The following ITIH5 variants were observed in gnomAD, a reference collection of about 807,000 sequenced individuals.
ITIH5 encodes inter-alpha-trypsin inhibitor heavy chain H5.
A neutral mutation model predicts 77.5 loss-of-function variants in ITIH5; 65 were observed. The ratio of observed to expected loss-of-function variants is 0.84; its 90% CI spans 0.69 to 1.03. The LOEUF (loss-of-function observed/expected upper bound fraction) is 1.03. ITIH5 is among the 50% of genes least tolerant of loss of function. The pLI is 0.00. For missense variants in ITIH5, 1,208 were observed against 1,213.1 expected (o/e 1.00, Z 0.06); for synonymous variants, 525 against 494.3 (o/e 1.06, Z -0.82).
At chr10:7,666,019 A>G (rs896739781) in intron 1 of ITIH5, among the ~76,000 whole-genome samples, 2 of 152,224 alleles carry the variant, frequency 1.3e-5, no homozygotes, top group African/African-American at 4.8e-5. Context: ...ACCGTGCACA[A>G]ACACGCTGGA....
intron 13 of ITIH5, among the ~76,000 whole-genome samples, chr10:7,563,762 G>A (rs148674275): frequency 3.3e-5 from 5 of 152,300 alleles, no homozygotes; most frequent in African/African-American, 7.2e-5. Flanking sequence ...CTTTCTATCC[G>A]TCTCAGGTCT....
In ITIH5 at chr10:7,637,354, C is replaced by T. The variant is rs200420644; in HGVS notation, c.526G>A (p.Val176Met). ...RLGKYEHSIS[V>M]RPQQLSGRLS... ...CTCCCGGACAGCTGCTGGGGCCGCA[C>T]GCTGATGCTGTGCTCGTACTTGCCC... The change falls in exon 5 of 14, where the codon GTG (valine) becomes ATG (methionine). Residue 176 changes from valine to methionine, a missense_variant. Physicochemically the swap from Val to Met is conservative, Grantham distance 21. Coordinates refer to ENST00000397146, the MANE Select transcript of ITIH5 (RefSeq NM_030569.7). 3.5e-5 allele frequency: 56 copies of T among 1,614,070 alleles called. No homozygotes were observed. The highest frequency in any genetic ancestry group is 4.6e-5 in the Non-Finnish European group (54 of 1,180,048).
chr10:7,631,295 G>A (rs1238280335), intron 5 of ITIH5, among the ~76,000 whole-genome samples: 1 of 152,178 alleles, frequency 6.6e-6, no homozygotes. Flanking sequence ...GAACCACTGA[G>A]GTTGGCAATG....
rs556885734 is a variant in ITIH5 at position 7,572,748 on chromosome 10, T to C, written c.2032+394A>G. On this transcript the variant is annotated intron_variant, in intron 11 of 13. Coordinates refer to ENST00000397146, the MANE Select transcript of ITIH5 (RefSeq NM_030569.7). ...GAATGAGCTGGTATTTTTAACTGGC[T>C]TCAAGGAATTCTTGGTTTTACACTT... The C allele has an allele frequency of 5.3e-4, 98 of 186,016 alleles. 3 individuals are homozygous for C. The South Asian group carries it at 5.6e-3, about 11-fold the overall frequency. The allele number at this position is 186,016 out of a possible 1,614,324, so 11.5% of individuals were successfully genotyped here.
At chr10:7,623,447 G>T (rs1026713244) in intron 5 of ITIH5, among the ~76,000 whole-genome samples, 1 of 152,162 alleles carries the variant, frequency 6.6e-6, no homozygotes, top group African/African-American at 2.4e-5. Context: ...AAGCAAATCA[G>T]CAGAGGATTG....
chr10:7,603,060 ACACCTGAG>A (rs1833047496), intron 7 of ITIH5, among the ~76,000 whole-genome samples: 1 of 152,142 alleles, frequency 6.6e-6, no homozygotes, highest in African/African-American at 2.4e-5. Flanking sequence ...AAGAAATCCT[ACACCTGAG>A]CATCACGTAA....
chr10:7,662,412 A>C (rs566843197), intron 1 of ITIH5, among the ~76,000 whole-genome samples: 2 of 152,164 alleles, frequency 1.3e-5, no homozygotes, highest in African/African-American at 4.8e-5. Context: ...AGGGAACTGG[A>C]TGTTTCTTGT....
chr10:7,657,322 C>T (rs1203229151), intron 1 of ITIH5, among the ~76,000 whole-genome samples: 2 of 152,126 alleles, frequency 1.3e-5, no homozygotes, highest in African/African-American at 4.8e-5. Flanking sequence ...TCTGGAATTA[C>T]AGGCATGAGC....
At chr10:7,571,414 T>G (rs904564197) in intron 11 of ITIH5, 2 of 152,144 alleles carry the variant, frequency 1.3e-5, no homozygotes, top group African/African-American at 4.8e-5. Flanking sequence ...TAATTTATTC[T>G]TATTTATTTA....
chr10:7,666,762 G>A (rs764717218), intron 1 of ITIH5, 41 bp downstream of exon 1: 7 of 1,546,410 alleles, frequency 4.5e-6, no homozygotes, highest in Non-Finnish European at 6.2e-6. Flanking sequence ...AGGGAAGGGG[G>A]CGGCCGCGCC....
intron 7 of ITIH5, among the ~76,000 whole-genome samples, chr10:7,602,478 T>C (rs1444523151): frequency 4.6e-5 from 7 of 152,202 alleles, no homozygotes; most frequent in African/African-American, 1.7e-4. Flanking sequence ...GTTCTCATGA[T>C]AATGAGTGAG....
chr10:7,619,722 C>G (rs1181089116), intron 5 of ITIH5: 1 of 192,082 alleles, frequency 5.2e-6, no homozygotes, highest in South Asian at 6.9e-5. Context: ...CTCGTGAGAA[C>G]TCACTCACTA....
chr10:7,641,859 C>G (rs921611371), intron 3 of ITIH5, 68 bp downstream of exon 3: 2 of 1,360,780 alleles, frequency 1.5e-6, no homozygotes, highest in African/African-American at 2.9e-5. Flanking sequence ...GGCTGTGGAC[C>G]TCACATCTCA....
At chr10:7,647,966 G>A (rs764023578) in intron 2 of ITIH5, among the ~76,000 whole-genome samples, 7 of 151,976 alleles carry the variant, frequency 4.6e-5, no homozygotes, top group Non-Finnish European at 7.4e-5. Flanking sequence ...CACAGTGGCC[G>A]GGCACAGTGG....
At chr10:7,637,908 A>T (rs1443749715) in intron 4 of ITIH5, among the ~76,000 whole-genome samples, 2 of 152,196 alleles carry the variant, frequency 1.3e-5, no homozygotes, top group African/African-American at 4.8e-5. Flanking sequence ...ACATCTTGGT[A>T]AAGTTTGGTG....
At chr10:7,637,105 C>T in intron 5 of ITIH5, 123 bp downstream of exon 5, 1 of 1,220,724 alleles carries the variant, frequency 8.2e-7, no homozygotes, top group Non-Finnish European at 1.1e-6. Flanking sequence ...CATTCCAGTT[C>T]CTACAAAAAT....
intron 3 of ITIH5, among the ~76,000 whole-genome samples, chr10:7,641,073 C>T (rs2131079719): frequency 6.6e-6 from 1 of 152,346 alleles, no homozygotes; most frequent in South Asian, 2.1e-4. Context: ...CATGGTGCCT[C>T]TGTGATTCTC....
In ITIH5 at chr10:7,629,294, AGCGTGTGTCCATGTTGTAGCG is replaced by A. The variant is rs1833665784; in HGVS notation, c.652+7913_652+7933del. On this transcript the variant is annotated intron_variant, in intron 5 of 13. Transcript: ENST00000397146. ...ATGTTGTAGCGTGTGTCCCTGTTGTAGCGTGTGTCCATGTTGTAGCGTGTGCCCATGTTGTAGCGTGTGCCC... is the reference window on the plus strand; with the variant it reads ...ATGTTGTAGCGTGTGTCCCTGTTGTATGTGCCCATGTTGTAGCGTGTGCCC... 2.0e-5 allele frequency among the ~76,000 whole-genome samples: 2 copies of A among 100,850 alleles called. 1 individual carries two copies. The highest frequency in any genetic ancestry group is 9.3e-5 in the African/African-American group (2 of 21,458). The allele number at this position is 100,850 out of a possible 152,430, so 66.2% of individuals were successfully genotyped here.
intron 8 of ITIH5, among the ~76,000 whole-genome samples, chr10:7,584,318 T>C (rs1215544223): frequency 6.6e-6 from 1 of 151,046 alleles, no homozygotes; most frequent in Non-Finnish European, 1.5e-5. Context: ...TTCTTTTTTT[T>C]TTTTTGAGAC....
Sources: allele counts gnomAD v4.1 joint callset (sites outside exome capture counted in the v4.1 genomes callset), GRCh38; gene constraint gnomAD v4.1.1; transcripts MANE v1.5; gene names NCBI Gene and HGNC (gene_info 2026-07-23, HGNC 2026-07-21).